Variants in WDHD1 observed in about 807,000 individuals in gnomAD.
The protein encoded by WDHD1 is WD repeat and HMG-box DNA-binding protein 1.
In WDHD1, 111 loss-of-function variants were observed where a neutral mutation model predicts 135.4. That is an observed-to-expected ratio of 0.82 (90% confidence interval 0.70 to 0.96). WDHD1 has a LOEUF of 0.96. Among genes scored for constraint, WDHD1 ranks in the 40% least tolerant of loss-of-function variants. The probability of loss-of-function intolerance (pLI) is 0.00; values close to 1 mark genes in which losing one functional copy is unlikely to be tolerated. For missense variants in WDHD1, 1,351 were observed against 1,336.3 expected (o/e 1.01, Z -0.17); for synonymous variants, 434 against 439.0 (o/e 0.99, Z 0.14).
rs527519448 is a variant in WDHD1, at chr14:55,013,663, T to C, written c.78-67A>G. The C allele has an allele frequency of 3.4e-5, 42 of 1,238,976 alleles. No individual in the cohort carries two copies. In the East Asian group the frequency reaches 8.4e-4, roughly 25 times the overall value. The allele number at this position is 1,238,976 out of a possible 1,614,324, so 76.7% of individuals were successfully genotyped here. A position where few individuals can be genotyped will look rare whatever the true frequency, so the allele number is the denominator to read the frequency against. Reference sequence around the variant, plus strand: ...TCTCATGCCTATAATGCTAGCACTTTGGGAGTACAAGGTGGGAGGATTGCT... The same window carrying C: ...TCTCATGCCTATAATGCTAGCACTTCGGGAGTACAAGGTGGGAGGATTGCT... On this transcript the variant is annotated intron_variant, in intron 2 of 25. Coordinates refer to ENST00000360586, the MANE Select transcript of WDHD1 (RefSeq NM_007086.4).
At chr14:54,985,058 G>A (rs934202631) in intron 14 of WDHD1, among the ~76,000 whole-genome samples, 198 bp from the exon 15 acceptor site, 1 of 152,086 alleles carries the variant, frequency 6.6e-6, no homozygotes, top group Non-Finnish European at 1.5e-5. Context: ...TTCACATAAA[G>A]TCCTTATAAG....
rs552838379 is a variant in WDHD1 at position 54,955,687 on chromosome 14, G to A, written c.2924C>T (p.Ala975Val). 4 of 1,564,112 alleles carry A rather than the reference G, an allele frequency of 2.6e-6. No homozygotes were observed. The highest frequency in any genetic ancestry group is 1.4e-5 in the African/African-American group (1 of 71,720). Residue 975 changes from alanine (A) to valine (V), a missense_variant, in exon 24 of 26, where the codon GCA becomes GTA. This residue lies in a region of WDHD1 where 1,330 missense variants were observed against 1,296.1 expected (regional missense o/e 1.03). Coordinates refer to ENST00000360586, the MANE Select transcript of WDHD1 (RefSeq NM_007086.4). ...ATTTCTTTTCTGGAAATAGGATGCT[G>A]CAGATGCCTATAAAAACAAACATGA... ...IPKPKPKQAS[A>V]ASYFQKRNSQ...
At chr14:54,997,348 G>A (rs1269069492) in intron 10 of WDHD1, among the ~76,000 whole-genome samples, 3 of 151,958 alleles carry the variant, frequency 2.0e-5, no homozygotes, top group African/African-American at 7.3e-5. Flanking sequence ...AACCCACCTC[G>A]GCCTCCAAAA....
chr14:54,969,305 C>T (rs907351202), intron 16 of WDHD1, among the ~76,000 whole-genome samples: 2 of 146,576 alleles, frequency 1.4e-5, no homozygotes, highest in African/African-American at 5.1e-5. Flanking sequence ...GGATTACAGG[C>T]GTGAGCCACC....
chr14:54,995,277 G>A (rs192409125), intron 11 of WDHD1, among the ~76,000 whole-genome samples: 37 of 152,158 alleles, frequency 2.4e-4, no homozygotes, highest in African/African-American at 7.7e-4. Flanking sequence ...CACCGTGCCC[G>A]GCCTTATTGA....
chr14:55,007,231 TAAA>T (rs369698327), intron 7 of WDHD1, 46 bp downstream of exon 7: 1,354 of 1,051,774 alleles, frequency 1.3e-3, no homozygotes, highest in Middle Eastern at 2.0e-3. Context: ...CCATCTCTAA[TAAA>T]AAAAAAAAAA....
intron 16 of WDHD1, among the ~76,000 whole-genome samples, chr14:54,968,050 C>T (rs2041374049): frequency 6.6e-6 from 1 of 152,182 alleles, no homozygotes; most frequent in Non-Finnish European, 1.5e-5. Context: ...TCCATGTTAT[C>T]ACCAAGATAA....
chr14:54,953,673 G>A (rs150733391), intron 24 of WDHD1, among the ~76,000 whole-genome samples: 2,141 of 152,212 alleles, frequency 0.014, 32 homozygotes, highest in Middle Eastern at 0.037. Flanking sequence ...ACATGCACAC[G>A]TATGTTTATT....
intron 3 of WDHD1, among the ~76,000 whole-genome samples, chr14:55,011,978 T>A (rs1025936492): frequency 3.3e-5 from 5 of 152,156 alleles, no homozygotes; most frequent in African/African-American, 1.2e-4. Flanking sequence ...CTAATTTTAA[T>A]ACACGGTATC....
chr14:54,968,877 C>T (rs1265252177), intron 16 of WDHD1, among the ~76,000 whole-genome samples: 1 of 152,064 alleles, frequency 6.6e-6, no homozygotes, highest in East Asian at 1.9e-4. Flanking sequence ...CCAATTGCTA[C>T]AAAAATTTTT....
At chr14:54,979,502 A>G (rs2041582826) in intron 16 of WDHD1, among the ~76,000 whole-genome samples, 1 of 152,018 alleles carries the variant, frequency 6.6e-6, no homozygotes, top group Non-Finnish European at 1.5e-5. Context: ...TTCTACTTTC[A>G]TTTCTTTACC....
intron 16 of WDHD1, among the ~76,000 whole-genome samples, chr14:54,969,595 A>C (rs752639327): frequency 6.6e-6 from 1 of 152,154 alleles, no homozygotes; most frequent in African/African-American, 2.4e-5. Flanking sequence ...CAACCAAAAA[A>C]AGCCCTGGAC....
At chr14:54,950,581 A>G (rs1260474108) in intron 24 of WDHD1, among the ~76,000 whole-genome samples, 1 of 152,198 alleles carries the variant, frequency 6.6e-6, no homozygotes, top group Non-Finnish European at 1.5e-5. Context: ...TCAACATTAG[A>G]CAGATCAACG....
In WDHD1 at chr14:54,996,408, G is replaced by C. The variant is rs147040383; in HGVS notation, c.943-595C>G. On this transcript the variant is annotated intron_variant, in intron 10 of 25. Transcript: ENST00000360586. Reference sequence around the variant, plus strand: ...GGATGCCTTGAGCTCAGGAGTTCGAGACCAGCCTGGACAACATGATGAAAC... The same window carrying C: ...GGATGCCTTGAGCTCAGGAGTTCGACACCAGCCTGGACAACATGATGAAAC... Among the ~76,000 whole-genome samples, 1,506 of 152,204 alleles carry C rather than the reference G, an allele frequency of 9.9e-3. 28 individuals are homozygous for C. The highest frequency in any genetic ancestry group is 0.034 in the African/African-American group (1,419 of 41,512).
At chr14:55,012,486 A>G (rs989687228) in intron 3 of WDHD1, among the ~76,000 whole-genome samples, 5 of 152,238 alleles carry the variant, frequency 3.3e-5, no homozygotes, top group African/African-American at 1.2e-4. Flanking sequence ...TCAGAAACAC[A>G]TATGAATATA....
intron 2 of WDHD1, among the ~76,000 whole-genome samples, chr14:55,018,971 C>T (rs562431675): frequency 3.4e-4 from 52 of 152,148 alleles, no homozygotes; most frequent in Middle Eastern, 3.4e-3. Flanking sequence ...TACAGTGGGC[C>T]GAGATGGTGC....
rs757935064 is a variant in WDHD1 at position 54,987,131 on chromosome 14, C to T, written c.1768+15G>A. 72 of 1,609,980 alleles carry T rather than the reference C, an allele frequency of 4.5e-5. No individual in the cohort carries two copies. Among genetic ancestry groups the T allele is most frequent in the Non-Finnish European group, 6.1e-5 (72 of 1,178,176 alleles). On this transcript the variant is annotated intron_variant, in intron 14 of 25. Transcript: ENST00000360586. ...CCATTTTACTTCAAGTCATAAAAGA[C>T]TGAAAAAAATCTACCTCTGTGATAA...
chr14:54,989,790 G>C (rs1451546206), intron 12 of WDHD1, among the ~76,000 whole-genome samples: 1 of 151,942 alleles, frequency 6.6e-6, no homozygotes, highest in Non-Finnish European at 1.5e-5. Context: ...CTCCTGTGTA[G>C]CTGTGGTTAC....
chr14:55,015,841 G>T (rs1372285419), intron 2 of WDHD1, among the ~76,000 whole-genome samples: 1 of 152,188 alleles, frequency 6.6e-6, no homozygotes, highest in Non-Finnish European at 1.5e-5. Flanking sequence ...TGGGACTGCA[G>T]GCGTGCGCCA....
Sources: allele counts gnomAD v4.1 joint callset (sites outside exome capture counted in the v4.1 genomes callset), GRCh38; gene constraint gnomAD v4.1.1; regional missense constraint gnomAD v4.1.1; transcripts MANE v1.5; gene names NCBI Gene and HGNC (gene_info 2026-07-23, HGNC 2026-07-21).